Variants in SERPINB5 observed in about 807,000 individuals in gnomAD.
SERPINB5 encodes serpin family B member 5.
A neutral mutation model predicts 32.2 loss-of-function variants in SERPINB5; 27 were observed. The observed-to-expected ratio is 0.84, with a 90% CI of 0.62 to 1.16. The LOEUF is 1.16. Ranked by LOEUF, SERPINB5 falls within the 50% of genes most tolerant of loss-of-function variation. The probability of loss-of-function intolerance (pLI) is 0.00; values close to 1 mark genes in which losing one functional copy is unlikely to be tolerated. For synonymous variants in SERPINB5, 154 were observed against 157.4 expected (o/e 0.98, Z 0.16); for missense variants, 388 against 436.3 (o/e 0.89, Z 0.99).
In SERPINB5 at chr18:63,484,497, G is replaced by C; in HGVS notation, c.69G>C (p.Glu23Asp). The part of the protein sequence containing the change: ...VDLFKQLCEK[E>D]PLGNVLFSPI... ...TGTTCAAACAACTATGTGAAAAGGA[G>C]CCACTGGGCAATGTCCTCTTCTCTC... The change falls in exon 2 of 7, where the codon GAG (glutamate) becomes GAC (aspartate). Residue 23 changes from glutamate (E) to aspartate (D), a missense_variant. Coordinates refer to ENST00000382771, the MANE Select transcript of SERPINB5 (RefSeq NM_002639.5). 6.2e-7 allele frequency: 1 copy of C among 1,614,186 alleles called. No homozygotes were observed. Among genetic ancestry groups the C allele is most frequent in the Non-Finnish European group, 8.5e-7 (1 of 1,180,028 alleles).
intron 2 of SERPINB5, 117 bp downstream of exon 2, chr18:63,484,713 A>C (rs1390173260): frequency 5.2e-6 from 3 of 579,564 alleles, no homozygotes; most frequent in Non-Finnish European, 2.8e-6. Context: ...CAAGATTCAG[A>C]ACTGTGCCAT....
At position 63,489,340 on chromosome 18, in the gene SERPINB5, TTTTCAGGAG is replaced by T; in HGVS notation, c.307-4_311del. 1 of 1,511,252 alleles carries T rather than the reference TTTTCAGGAG, an allele frequency of 6.6e-7. No homozygotes were observed. The highest frequency in any genetic ancestry group is 9.1e-7 in the Non-Finnish European group (1 of 1,093,294). The allele number at this position is 1,511,252 out of a possible 1,614,324, so 93.6% of individuals were successfully genotyped here. On this transcript the variant is annotated splice_acceptor_variant and splice_polypyrimidine_tract_variant and coding_sequence_variant and intron_variant, in exon 4 of 7. Coordinates refer to ENST00000382771, the MANE Select transcript of SERPINB5 (RefSeq NM_002639.5). LOFTEE classifies it high-confidence loss of function. The stretch of plus-strand genomic sequence containing the variant: ...GACTCTGATTTTATGAACTGCATGT[TTTTCAGGAG>T]TTCATCAGCTCTACGAAGAGACCGT...
intron 5 of SERPINB5, 133 bp downstream of exon 5, chr18:63,493,228 G>T: frequency 1.8e-6 from 2 of 1,117,406 alleles, no homozygotes; most frequent in Non-Finnish European, 2.7e-6. Context: ...TTCCTGAGAT[G>T]AACAGCTGGA....
intron 4 of SERPINB5, among the ~76,000 whole-genome samples, chr18:63,490,102 G>A (rs1199145634): frequency 1.3e-5 from 2 of 152,158 alleles, no homozygotes; most frequent in Non-Finnish European, 2.9e-5. Flanking sequence ...TGAGACAGGA[G>A]AATGGCGTGA....
chr18:63,499,306 C>T lies in SERPINB5; in HGVS notation c.735+19C>T. ...GGAGAAGGTAAGGAGAAGGCAGGTG[C>T]TCTCCACAAAGGCACCCCCTGCCTT... On this transcript the variant is annotated intron_variant, in intron 6 of 6. Coordinates refer to ENST00000382771, the MANE Select transcript of SERPINB5 (RefSeq NM_002639.5). The T allele has an allele frequency of 1.3e-6, 2 of 1,520,952 alleles. No homozygotes were observed. The highest frequency in any genetic ancestry group is 1.8e-6 in the Non-Finnish European group (2 of 1,130,026). The allele number at this position is 1,520,952 out of a possible 1,614,324, so 94.2% of individuals were successfully genotyped here. A position where few individuals can be genotyped will look rare whatever the true frequency, so the allele number is the denominator to read the frequency against.
intron 1 of SERPINB5, among the ~76,000 whole-genome samples, chr18:63,480,564 A>G (rs1029968726): frequency 1.3e-5 from 2 of 152,248 alleles, no homozygotes; most frequent in African/African-American, 4.8e-5. Flanking sequence ...TGATCATGCA[A>G]AATGGTCTGT....
At chr18:63,495,511 C>T (rs537425711) in intron 5 of SERPINB5, among the ~76,000 whole-genome samples, 3 of 152,352 alleles carry the variant, frequency 2.0e-5, no homozygotes, top group South Asian at 2.1e-4. Context: ...AAATCTGAAA[C>T]AGGTTGCCAA....
At position 63,489,409 on chromosome 18, in the gene SERPINB5, T is replaced by C. The variant is rs1248769447; in HGVS notation, c.369T>C (p.Asp123=). 11 of 1,613,266 alleles carry C rather than the reference T, an allele frequency of 6.8e-6. No individual in the cohort carries two copies. The highest frequency in any genetic ancestry group is 8.5e-6 in the Non-Finnish European group (10 of 1,179,688). Residue 123 remains aspartate (D), a synonymous_variant, in exon 4 of 7, where the codon GAT becomes GAC. Coordinates refer to ENST00000382771, the MANE Select transcript of SERPINB5 (RefSeq NM_002639.5). ...AATTGGAAACTGTTGACTTCAAAGA[T>C]AAATTGGAAGAAACGAAAGGTCAGA... is the stretch of plus-strand genomic sequence containing the variant. ...AKELETVDFK[D]KLEETKGQIN...
rs1178346579 is a variant in SERPINB5, at chr18:63,503,495, A to T, written c.901A>T (p.Thr301Ser). The T allele has an allele frequency of 1.2e-6, 2 of 1,614,234 alleles. No homozygotes were observed. Among genetic ancestry groups the T allele is most frequent in the East Asian group, 4.5e-5 (2 of 44,886 alleles). The change falls in exon 7 of 7, where the codon ACA becomes TCA. Residue 301 changes from threonine (T) to serine (S), a missense_variant. Transcript: ENST00000382771. Reference sequence around the variant, plus strand: ...GCTGAAACATATCTTCAGTGAAGACACATCTGATTTCTCTGGAATGTCAGA... The same window carrying T: ...GCTGAAACATATCTTCAGTGAAGACTCATCTGATTTCTCTGGAATGTCAGA... The part of the protein sequence containing the change: ...LGLKHIFSED[T>S]SDFSGMSETK...
At chr18:63,481,398 T>C (rs781652635) in intron 1 of SERPINB5, among the ~76,000 whole-genome samples, 55 of 152,224 alleles carry the variant, frequency 3.6e-4, no homozygotes, top group Non-Finnish European at 7.6e-4. Flanking sequence ...ACTAAAAGTA[T>C]AGTTTGTTAT....
At chr18:63,482,711 G>A (rs771326141) in intron 1 of SERPINB5, among the ~76,000 whole-genome samples, 1 of 151,764 alleles carries the variant, frequency 6.6e-6, no homozygotes, top group Non-Finnish European at 1.5e-5. Context: ...AAAAATTACC[G>A]AGGACCCCAA....
chr18:63,481,605 C>T (rs189631927), intron 1 of SERPINB5, among the ~76,000 whole-genome samples: 1 of 152,186 alleles, frequency 6.6e-6, no homozygotes, highest in African/African-American at 2.4e-5. Context: ...TAACTCATTA[C>T]TTCTTGTACA....
chr18:63,503,692 T>C lies in SERPINB5; in HGVS notation c.1098T>C (p.Ile366=), dbSNP rs8093128. The change falls in exon 7 of 7, where the codon ATT becomes ATC. Residue 366 remains isoleucine (I), a synonymous_variant. Coordinates refer to ENST00000382771, the MANE Select transcript of SERPINB5 (RefSeq NM_002639.5). ...TCAGGCACAACAAAACTCGAAACAT[T>C]ATTTTCTTTGGCAAATTCTGTTCTC... ...YIIRHNKTRN[I]IFFGKFCSP 1,609,282 of 1,614,250 alleles carry C rather than the reference T, an allele frequency of 1. 802,165 individuals are homozygous for C. The highest frequency in any genetic ancestry group is 1 in the East Asian group (44,882 of 44,882).
rs12457485 is a variant in SERPINB5, at chr18:63,498,815, G to A, written c.568-305G>A. On this transcript the variant is annotated intron_variant, in intron 5 of 6. Transcript: ENST00000382771. The surrounding 1 kb of genome is among the most constrained non-coding windows in gnomAD (Gnocchi z 4.2). ...TATATGTGTATATATGTGCATGTGTGTATATATGTATGGGGTATATATATA... is the reference window on the plus strand; with the variant it reads ...TATATGTGTATATATGTGCATGTGTATATATATGTATGGGGTATATATATA... Among the ~76,000 whole-genome samples the A allele has an allele frequency of 0.4, 60,325 of 150,124 alleles. 13,022 individuals carry two copies. Among genetic ancestry groups the A allele is most frequent in the Non-Finnish European group, 0.49 (33,345 of 67,606 alleles).
intron 6 of SERPINB5, among the ~76,000 whole-genome samples, chr18:63,503,072 A>G (rs532332628): frequency 6.6e-6 from 1 of 152,278 alleles, no homozygotes; most frequent in African/African-American, 2.4e-5. Context: ...TCTCTAACTT[A>G]AAATGAAAAA....
intron 4 of SERPINB5, among the ~76,000 whole-genome samples, chr18:63,489,697 T>A (rs911875923): frequency 1.3e-5 from 2 of 152,210 alleles, no homozygotes; most frequent in Admixed American, 6.5e-5. Flanking sequence ...GTTTACTTTG[T>A]CTTGCTCTCT....
chr18:63,478,758 G>GTTTTTT (rs10669993), intron 1 of SERPINB5, among the ~76,000 whole-genome samples: 13 of 135,376 alleles, frequency 9.6e-5, no homozygotes, highest in Non-Finnish European at 1.1e-4. Context: ...TAAAAACGTA[G>GTTTTTT]TTTTTTTTTT....
At position 63,484,592 on chromosome 18, in the gene SERPINB5, G is replaced by T. The variant is rs753774243; in HGVS notation, c.164G>T (p.Gly55Val). ...AAAGGTGACACTGCAAATGAAATTG[G>T]ACAGGTAAGCCCCAAAACCTTGTTT... ...GAKGDTANEI[G>V]QVLHFENVKD... Residue 55 changes from glycine to valine, a missense_variant, in exon 2 of 7, where the codon GGA (glycine) becomes GTA (valine). Gly to Val is a moderately radical substitution (Grantham distance 109). Coordinates refer to ENST00000382771, the MANE Select transcript of SERPINB5 (RefSeq NM_002639.5). 2 of 1,613,260 alleles carry T rather than the reference G, an allele frequency of 1.2e-6. No homozygotes were observed. Among genetic ancestry groups the T allele is most frequent in the Non-Finnish European group, 8.5e-7 (1 of 1,179,762 alleles).
intron 5 of SERPINB5, among the ~76,000 whole-genome samples, chr18:63,497,706 T>C (rs1440555114): frequency 6.6e-6 from 1 of 152,230 alleles, no homozygotes; most frequent in Non-Finnish European, 1.5e-5. Flanking sequence ...TTGCCTTAAT[T>C]ATTTCAGATA....
Sources: gnomAD v4.1 joint callset for allele counts (sites outside exome capture counted in the v4.1 genomes callset) on GRCh38, gnomAD v4.1.1 for gene constraint, Gnocchi (gnomAD v3.1) non-coding constraint, MANE v1.5 for transcripts, NCBI Gene and HGNC (gene_info 2026-07-23, HGNC 2026-07-21) for gene names.